Variants in IL1RAPL1 observed in about 807,000 individuals in gnomAD.
IL1RAPL1 encodes the protein interleukin 1 receptor accessory protein like 1.
Under a neutral mutation model 48.4 loss-of-function variants are expected in IL1RAPL1, and 3 were observed. The ratio of observed to expected loss-of-function variants is 0.06; its 90% confidence interval spans 0.03 to 0.16. The LOEUF (loss-of-function observed/expected upper bound fraction) is 0.16. Ranked by LOEUF, IL1RAPL1 falls within the 10% of genes least tolerant of loss-of-function variation. The pLI, the probability that IL1RAPL1 is intolerant of heterozygous loss-of-function variation, is 1.00. For synonymous variants in IL1RAPL1, 185 were observed against 187.7 expected, an observed-to-expected ratio of 0.99 and a Z score of 0.12; for missense variants, 349 against 530.6, an observed-to-expected ratio of 0.66 and a Z score of 3.36.
chrX:29,568,771 G>T (rs542091911), intron 5 of IL1RAPL1, among the ~76,000 whole-genome samples: 15 of 111,437 alleles, frequency 1.3e-4, no homozygotes, highest in African/African-American at 2.9e-4. Flanking sequence ...TTTTATAACT[G>T]AATATGGTAT....
chrX:29,925,453 G>A (rs1163879970), intron 8 of IL1RAPL1, among the ~76,000 whole-genome samples: 1 of 51,435 alleles, frequency 1.9e-5, no homozygotes, highest in African/African-American at 8.2e-5. Flanking sequence ...TTTGCTGGGG[G>A]GGGCTTCTCT....
chrX:29,558,062 A>G (rs1016724983), intron 5 of IL1RAPL1, among the ~76,000 whole-genome samples: 8 of 111,619 alleles, frequency 7.2e-5, no homozygotes, highest in African/African-American at 9.7e-5. Flanking sequence ...CAGAAGTAAG[A>G]TGCTGAATCA....
intron 2 of IL1RAPL1, among the ~76,000 whole-genome samples, chrX:28,995,821 A>G (rs1342986649): frequency 2.7e-5 from 3 of 110,693 alleles, no homozygotes; most frequent in African/African-American, 9.8e-5. Context: ...GGGGGAAATC[A>G]GTATAGCCGA....
chrX:29,637,178 A>G (rs1481397483), intron 5 of IL1RAPL1, among the ~76,000 whole-genome samples: 2 of 109,718 alleles, frequency 1.8e-5, no homozygotes, highest in Non-Finnish European at 3.8e-5. Context: ...ATCAGTACCA[A>G]TAGACATCCA....
At chrX:28,922,056 G>C (rs1051408493) in intron 2 of IL1RAPL1, among the ~76,000 whole-genome samples, 2 of 111,289 alleles carry the variant, frequency 1.8e-5, no homozygotes, top group African/African-American at 3.3e-5. Flanking sequence ...GGCTGGGTGC[G>C]GTGGCTCTCG....
intron 2 of IL1RAPL1, chrX:28,942,591 C>A (rs1276041331): frequency 1.0e-5 from 1 of 97,927 alleles, no homozygotes; most frequent in Non-Finnish European, 2.1e-5. Flanking sequence ...AAAAAGTTGA[C>A]CATAATATAA....
intron 5 of IL1RAPL1, among the ~76,000 whole-genome samples, chrX:29,550,508 A>C (rs1043308401): frequency 6.2e-5 from 7 of 112,240 alleles, no homozygotes; most frequent in Non-Finnish European, 1.3e-4. Context: ...CAATCCAAGT[A>C]AAGTATATGT....
At chrX:29,625,942 C>T in intron 5 of IL1RAPL1, among the ~76,000 whole-genome samples, 1 of 111,484 alleles carries the variant, frequency 9.0e-6, no homozygotes. Context: ...TAAAAAGATT[C>T]GTTAGTATTA....
At chrX:29,940,255 T>G (rs945608259) in intron 8 of IL1RAPL1, among the ~76,000 whole-genome samples, 1 of 111,144 alleles carries the variant, frequency 9.0e-6, no homozygotes. Flanking sequence ...ATGATGGCCG[T>G]GCTTTTCAGA....
At chrX:28,894,720 G>A (rs1922862982) in intron 2 of IL1RAPL1, among the ~76,000 whole-genome samples, 1 of 110,836 alleles carries the variant, frequency 9.0e-6, no homozygotes, top group African/African-American at 3.3e-5. Flanking sequence ...CAGACATGAG[G>A]GCTAGGCTAA....
At chrX:29,789,606 A>T (rs1219284302) in intron 6 of IL1RAPL1, among the ~76,000 whole-genome samples, 1 of 111,149 alleles carries the variant, frequency 9.0e-6, no homozygotes, top group East Asian at 2.8e-4. Flanking sequence ...TTCTGGCAAG[A>T]GTTTGAAGTA....
At chrX:29,767,737 C>G (rs1928950835) in intron 6 of IL1RAPL1, among the ~76,000 whole-genome samples, 1 of 111,742 alleles carries the variant, frequency 8.9e-6, no homozygotes, top group Non-Finnish European at 1.9e-5. Context: ...AATGATGGCT[C>G]ATAAATATGC....
chrX:29,498,287 C>T (rs1279922918), intron 5 of IL1RAPL1, among the ~76,000 whole-genome samples: 1 of 111,456 alleles, frequency 9.0e-6, no homozygotes, highest in African/African-American at 3.3e-5. Flanking sequence ...AGTTCTTCCC[C>T]CTCTTGGCCA....
At chrX:28,776,810 T>C (rs1281444435) in intron 1 of IL1RAPL1, among the ~76,000 whole-genome samples, 4 of 111,732 alleles carry the variant, frequency 3.6e-5, no homozygotes, top group Non-Finnish European at 7.5e-5. Flanking sequence ...GCCTGGCACA[T>C]AGAAAGTGCT....
intron 5 of IL1RAPL1, among the ~76,000 whole-genome samples, chrX:29,641,038 G>T (rs1279875087): frequency 9.0e-6 from 1 of 111,560 alleles, no homozygotes; most frequent in Non-Finnish European, 1.9e-5. Flanking sequence ...AGGCATGGTG[G>T]TACGCATCTG....
At chrX:29,331,957 T>A in intron 3 of IL1RAPL1, among the ~76,000 whole-genome samples, 1 of 110,735 alleles carries the variant, frequency 9.0e-6, no homozygotes, top group Non-Finnish European at 1.9e-5. Context: ...TGTAAAGAAA[T>A]TAACATAATA....
chrX:29,831,636 C>G (rs1930879583), intron 6 of IL1RAPL1, among the ~76,000 whole-genome samples: 1 of 111,330 alleles, frequency 9.0e-6, no homozygotes, highest in Non-Finnish European at 1.9e-5. Context: ...AAACTATAGC[C>G]CAGATATGTT....
At chrX:28,783,620 C>G (rs1259940818) in intron 1 of IL1RAPL1, among the ~76,000 whole-genome samples, 1 of 111,701 alleles carries the variant, frequency 9.0e-6, no homozygotes, top group Non-Finnish European at 1.9e-5. Flanking sequence ...CTCCCTACTC[C>G]CCAACTCATA....
intron 6 of IL1RAPL1, among the ~76,000 whole-genome samples, chrX:29,783,009 A>G (rs1425347098): frequency 1.1e-5 from 1 of 93,275 alleles, no homozygotes; most frequent in Non-Finnish European, 2.0e-5. Flanking sequence ...GGTTCACGCC[A>G]TTCTCCTGCC....
Sources: allele counts gnomAD v4.1 joint callset (sites outside exome capture counted in the v4.1 genomes callset), GRCh38; gene constraint gnomAD v4.1.1; transcripts MANE v1.5; gene names NCBI Gene and HGNC (gene_info 2026-07-23, HGNC 2026-07-21).